Variants in MGST1 observed in about 807,000 individuals in gnomAD.
MGST1 encodes the protein glutathione S-transferase 12.
A neutral mutation model predicts 8.9 loss-of-function variants in MGST1; 5 were observed. The ratio of observed to expected loss-of-function variants is 0.56; its 90% CI spans 0.29 to 1.19. The LOEUF (loss-of-function observed/expected upper bound fraction) is 1.19. Among genes scored for constraint, MGST1 ranks in the 50% most tolerant of loss-of-function variants. The pLI, the probability that MGST1 is intolerant of heterozygous loss-of-function variation, is 0.08. For synonymous variants in MGST1, 54 were observed against 67.8 expected (o/e 0.80, Z 1.00); for missense variants, 182 against 187.4 (o/e 0.97, Z 0.17).
chr12:16,349,908 C>A (rs936451363), intron 1 of MGST1, among the ~76,000 whole-genome samples: 1 of 152,018 alleles, frequency 6.6e-6, no homozygotes, highest in Non-Finnish European at 1.5e-5. Flanking sequence ...CCACGCCCAG[C>A]TAATTTTTTG....
Position 16,559,849 on chromosome 12 carries a change from C to G in MGST1, n.483-29679C>G, listed in dbSNP as rs531422137. On this transcript the variant is annotated intron_variant and non_coding_transcript_variant, in intron 4 of 4. Transcript: ENST00000538857. The surrounding 1 kb of genome is among the most constrained non-coding windows in gnomAD (Gnocchi z 4.1). ...TGGGAGTGCACACCTGTACTCCCAG[C>G]TACTCGGGAGGCTGAGGCAGGAGGA... Among the ~76,000 whole-genome samples, 87 of 151,386 alleles carry G rather than the reference C, an allele frequency of 5.7e-4. No homozygotes were observed. Among genetic ancestry groups the G allele is most frequent in the African/African-American group, 2.1e-3 (85 of 41,296 alleles).
Position 16,560,407 on chromosome 12 carries a change from G to A in MGST1, n.483-29121G>A. On this transcript the variant is annotated intron_variant and non_coding_transcript_variant, in intron 4 of 4. Transcript: ENST00000538857. The surrounding 1 kb of genome is among the most constrained non-coding windows in gnomAD (Gnocchi z 5.0). ...TTTCTTAGAGACCAAAAAGAGACCT[G>A]CTTACCTCTGATTACAAAGCTGACA... 6.2e-7 allele frequency: 1 copy of A among 1,612,750 alleles called. No homozygotes were observed.
downstream of MGST1, among the ~76,000 whole-genome samples, chr12:16,440,795 TTTA>T (rs963433828): frequency 7.4e-4 from 113 of 151,934 alleles, no homozygotes; most frequent in African/African-American, 2.6e-3. Context: ...AGAATTGGTT[TTTA>T]TTTACTGAAA....
At position 16,560,361 on chromosome 12, in the gene MGST1, C is replaced by A; in HGVS notation, n.483-29167C>A. 1.3e-6 allele frequency: 2 copies of A among 1,562,466 alleles called. No individual in the cohort carries two copies. The highest frequency in any genetic ancestry group is 1.7e-6 in the Non-Finnish European group (2 of 1,153,134). ...TAATTTCCACCTATTAAATAAATAG[C>A]CAGCACAGAGAGGTTAACCATTTCT... On this transcript the variant is annotated intron_variant and non_coding_transcript_variant, in intron 4 of 4. Transcript: ENST00000538857. This position sits in a 1 kb window ranked among gnomAD's most constrained non-coding sequence, Gnocchi z 5.0.
At position 16,393,725 on chromosome 12, in the gene MGST1, A is replaced by G. The variant is rs1475912517; in HGVS notation, n.778+10121A>G. Among the ~76,000 whole-genome samples, 3 of 152,294 alleles carry G rather than the reference A, an allele frequency of 2.0e-5. No homozygotes were observed. In the East Asian group the frequency reaches 5.8e-4, roughly 29 times the overall value. ...CTGTTGCGCTCATTATGTTACCCAC[A>G]CTATTTTGATTTTCCTTCCTTAGAC... On this transcript the variant is annotated intron_variant and non_coding_transcript_variant, in intron 1 of 1. Coordinates refer to the MGST1 transcript ENST00000359720.
chr12:16,506,913 GAT>G (rs1032781066), intron 4 of MGST1, among the ~76,000 whole-genome samples: 1 of 152,196 alleles, frequency 6.6e-6, no homozygotes, highest in African/African-American at 2.4e-5. Flanking sequence ...GTACAAACAA[GAT>G]AGTGATGCTG....
At chr12:16,480,552 A>G (rs1399902079) in intron 4 of MGST1, among the ~76,000 whole-genome samples, 1 of 152,156 alleles carries the variant, frequency 6.6e-6, no homozygotes, top group Non-Finnish European at 1.5e-5. Context: ...TGCATAAAGA[A>G]CTCTTAAAAG....
Position 16,587,213 on chromosome 12 carries a change from A to G in MGST1, n.483-2315A>G, listed in dbSNP as rs1011133334. 6.6e-6 allele frequency among the ~76,000 whole-genome samples: 1 copy of G among 152,206 alleles called. No individual in the cohort carries two copies. Among genetic ancestry groups the G allele is most frequent in the Non-Finnish European group, 1.5e-5 (1 of 68,018 alleles). On this transcript the variant is annotated intron_variant and non_coding_transcript_variant, in intron 4 of 4. Transcript: ENST00000538857. The surrounding 1 kb of genome is among the most constrained non-coding windows in gnomAD (Gnocchi z 4.3). ...AAGCTACACACACGAAAATGAAATG[A>G]ACAAAGTGATTCAGATTAAACAGCT...
intron 4 of MGST1, among the ~76,000 whole-genome samples, chr12:16,493,708 A>G (rs1033328665): frequency 6.6e-6 from 1 of 152,148 alleles, no homozygotes; most frequent in African/African-American, 2.4e-5. Context: ...ATCTGTTCTT[A>G]GTTTAGCCCC....
intron 1 of MGST1, among the ~76,000 whole-genome samples, chr12:16,384,289 G>A (rs1940484953): frequency 6.6e-6 from 1 of 152,040 alleles, no homozygotes; most frequent in African/African-American, 2.4e-5. Flanking sequence ...GTGACCTTTT[G>A]TGGAAAAAAG....
At chr12:16,388,224 G>T (rs929320045) in intron 1 of MGST1, among the ~76,000 whole-genome samples, 7 of 151,884 alleles carry the variant, frequency 4.6e-5, no homozygotes, top group African/African-American at 1.7e-4. Context: ...TAACACAATG[G>T]TAAGTATTTG....
At chr12:16,359,627 T>C (rs921364540) in intron 3 of MGST1, among the ~76,000 whole-genome samples, 2 of 152,078 alleles carry the variant, frequency 1.3e-5, no homozygotes, top group African/African-American at 4.8e-5. Flanking sequence ...AAAAAGTGAG[T>C]GAAGCTTAAG....
At chr12:16,469,097 G>A (rs1476383862) in intron 4 of MGST1, among the ~76,000 whole-genome samples, 2 of 151,812 alleles carry the variant, frequency 1.3e-5, no homozygotes, top group African/African-American at 2.4e-5. Flanking sequence ...TTTTATTTGA[G>A]TGAGATTGCA....
At chr12:16,390,234 G>C (rs1376292226) in intron 1 of MGST1, among the ~76,000 whole-genome samples, 1 of 151,880 alleles carries the variant, frequency 6.6e-6, no homozygotes, top group Non-Finnish European at 1.5e-5. Context: ...TATTAAACTG[G>C]GTAGAGAATT....
chr12:16,552,884 C>G (rs917283320), intron 4 of MGST1, among the ~76,000 whole-genome samples: 1 of 152,040 alleles, frequency 6.6e-6, no homozygotes, highest in East Asian at 1.9e-4. Flanking sequence ...ATATCCTTAT[C>G]AAATGAAAAG....
rs139568130 is a variant in MGST1, at chr12:16,489,479, G to A, written n.483-100049G>A. On this transcript the variant is annotated intron_variant and non_coding_transcript_variant, in intron 4 of 4. Transcript: ENST00000538857. ...CTGTGTTCCCTTGTTTACAATCCAGGGCAACAGCTGGTCAGCCTTGCAAAG... is the reference window on the plus strand; with the variant it reads ...CTGTGTTCCCTTGTTTACAATCCAGAGCAACAGCTGGTCAGCCTTGCAAAG... Among the ~76,000 whole-genome samples, 509 of 152,172 alleles carry A rather than the reference G, an allele frequency of 3.3e-3. 6 individuals carry two copies. Among genetic ancestry groups the A allele is most frequent in the African/African-American group, 0.012 (478 of 41,518 alleles).
intron 1 of MGST1, among the ~76,000 whole-genome samples, chr12:16,393,828 C>T (rs1940574756): frequency 6.6e-6 from 1 of 152,210 alleles, no homozygotes; most frequent in Admixed American, 6.5e-5. Context: ...CAGTTAAACT[C>T]CATTCAAACC....
intron 4 of MGST1, among the ~76,000 whole-genome samples, chr12:16,568,236 G>A (rs1942687804): frequency 6.6e-6 from 1 of 152,112 alleles, no homozygotes; most frequent in Non-Finnish European, 1.5e-5. Flanking sequence ...CAAGCTCTGT[G>A]AATAATCTGT....
chr12:16,549,177 C>T (rs373924382), intron 4 of MGST1: 42 of 152,186 alleles, frequency 2.8e-4, no homozygotes, highest in African/African-American at 9.4e-4. Flanking sequence ...GATCTCTCCC[C>T]CACATATTTT....
Sources: allele counts gnomAD v4.1 joint callset (sites outside exome capture counted in the v4.1 genomes callset), GRCh38; gene constraint gnomAD v4.1.1; non-coding constraint Gnocchi (gnomAD v3.1); transcripts MANE v1.5; gene names NCBI Gene and HGNC (gene_info 2026-07-23, HGNC 2026-07-21).